Variants in TMEM131 observed in about 807,000 individuals in gnomAD.
The protein encoded by TMEM131 is 2610524E03Rik.
In TMEM131, 66 loss-of-function variants were observed where a neutral mutation model predicts 211.6. The ratio of observed to expected loss-of-function variants is 0.31; its 90% confidence interval spans 0.26 to 0.38. The LOEUF (loss-of-function observed/expected upper bound fraction) is 0.38, where lower values mean the gene tolerates loss of function less well. TMEM131 is among the 10% of genes least tolerant of loss of function. The pLI is 1.00. For missense variants in TMEM131, 2,036 were observed against 2,299.3 expected (o/e 0.89, Z 2.34); for synonymous variants, 844 against 841.3 (o/e 1.00, Z -0.06).
intron 1 of TMEM131, among the ~76,000 whole-genome samples, chr2:97,961,880 TCAA>T (rs1009615226): frequency 6.6e-6 from 1 of 152,194 alleles, no homozygotes; most frequent in African/African-American, 2.4e-5. Context: ...ATTTTAAAAG[TCAA>T]CAACAACAAA....
intron 25 of TMEM131, among the ~76,000 whole-genome samples, chr2:97,798,928 A>G (rs1333073876): frequency 6.6e-6 from 1 of 152,180 alleles, no homozygotes; most frequent in Non-Finnish European, 1.5e-5. Flanking sequence ...AGCAAGCACT[A>G]GCTAATTTAA....
At chr2:97,796,750 G>T (rs2104904320) in intron 27 of TMEM131, 94 bp downstream of exon 27, 1 of 1,251,658 alleles carries the variant, frequency 8.0e-7, no homozygotes, top group Non-Finnish European at 1.1e-6. Context: ...AATATACACA[G>T]GTGCACATAC....
chr2:97,917,757 C>T (rs551150379), intron 2 of TMEM131, among the ~76,000 whole-genome samples: 2 of 152,246 alleles, frequency 1.3e-5, no homozygotes, highest in Non-Finnish European at 2.9e-5. Context: ...ATGGGAGTAA[C>T]CGCCGCCATG....
chr2:97,962,693 C>A (rs760196744), intron 1 of TMEM131, among the ~76,000 whole-genome samples: 4 of 152,040 alleles, frequency 2.6e-5, no homozygotes, highest in Non-Finnish European at 4.4e-5. Flanking sequence ...GTATTACTTG[C>A]GAGAAATGAA....
In TMEM131 at chr2:97,809,759, C is replaced by CA; in HGVS notation, c.1983dup (p.Val662CysfsTer15). On this transcript the variant is annotated frameshift_variant, in exon 19 of 41. Coordinates refer to ENST00000186436, the MANE Select transcript of TMEM131 (RefSeq NM_015348.2). LOFTEE classifies it high-confidence loss of function. ...GAGCCTACTGCAATCACAGCCTTCA[C>CA]AGGGATTGTCAGGATCTGTGAAGTC... is the stretch of plus-strand genomic sequence containing the variant. The CA allele has an allele frequency of 6.2e-7, 1 of 1,603,366 alleles. No homozygotes were observed. Among genetic ancestry groups the CA allele is most frequent in the Non-Finnish European group, 8.5e-7 (1 of 1,174,756 alleles).
In TMEM131 at chr2:97,888,089, T is replaced by G; in HGVS notation, c.322A>C (p.Ile108Leu). 1 of 1,613,736 alleles carries G rather than the reference T, an allele frequency of 6.2e-7. No homozygotes were observed. Among genetic ancestry groups the G allele is most frequent in the South Asian group, 1.1e-5 (1 of 91,050 alleles). The change falls in exon 4 of 41, where the codon ATA becomes CTA. Residue 108 changes from isoleucine to leucine, a missense_variant. By Grantham distance (5) the Ile-to-Leu change is conservative (BLOSUM62 2). Around this residue, in one of 3 missense-constraint regions of TMEM131, gnomAD observed 277 missense variants for 378.0 expected, o/e 0.73. Transcript: ENST00000186436. ...TCCAGCATTGGTGGCTCAAATCGTA[T>G]GGGCCTGCAATTCCCCCGGTAGAGA... ...ISLYRGNCRP[I>L]RFEPPMLDFH...
intron 31 of TMEM131, among the ~76,000 whole-genome samples, chr2:97,786,062 G>A (rs1407867383): frequency 6.6e-6 from 1 of 152,204 alleles, no homozygotes; most frequent in Non-Finnish European, 1.5e-5. Flanking sequence ...AAGGGCCCAT[G>A]AGGATTCCTG....
intron 4 of TMEM131, chr2:97,887,838 T>C: frequency 2.3e-6 from 1 of 438,730 alleles, no homozygotes; most frequent in Admixed American, 3.8e-5. Context: ...CAAGCGAGTA[T>C]TTTTCAAGCT....
intron 1 of TMEM131, among the ~76,000 whole-genome samples, chr2:97,978,782 A>C (rs1679658816): frequency 6.6e-6 from 1 of 152,184 alleles, no homozygotes; most frequent in South Asian, 2.1e-4. Context: ...AACTTCTTCC[A>C]AACTCTTGTT....
Position 97,957,292 on chromosome 2 carries a change from C to A in TMEM131, c.188-29805G>T, listed in dbSNP as rs1284035668. On this transcript the variant is annotated intron_variant, in intron 1 of 40. Transcript: ENST00000186436. ...AACAAAAATTTTGTTGTGCCTGGTA[C>A]TTAATGATTTACATAAACTAAATTT... Among the ~76,000 whole-genome samples, 4 of 152,222 alleles carry A rather than the reference C, an allele frequency of 2.6e-5. No homozygotes were observed. In the East Asian group the frequency reaches 7.7e-4, roughly 29 times the overall value.
chr2:97,771,962 GT>G (rs1329244567), intron 33 of TMEM131, among the ~76,000 whole-genome samples: 1 of 152,242 alleles, frequency 6.6e-6, no homozygotes, highest in East Asian at 1.9e-4. Context: ...TGTACCTGTG[GT>G]TCAATCGTCA....
rs370139010 is a variant in TMEM131, at chr2:97,776,061, C to CT, written c.4145-44dup. On this transcript the variant is annotated intron_variant, in intron 31 of 40. Transcript: ENST00000186436. ...AGTAAAAGAACTCTTGTTTTTGTTT[C>CT]TTTTTTTTTTGAGATGGAGTCTTGC... 6.5e-3 allele frequency: 8,727 copies of CT among 1,351,650 alleles called. 4 individuals are homozygous for CT. Among genetic ancestry groups the CT allele is most frequent in the African/African-American group, 0.016 (1,099 of 66,842 alleles). 83.7% of individuals were successfully genotyped at this position (1,351,650 alleles called of 1,614,324 possible). A position where few individuals can be genotyped will look rare whatever the true frequency, so the allele number is the denominator to read the frequency against.
intron 1 of TMEM131, among the ~76,000 whole-genome samples, chr2:97,941,771 T>G (rs1055631348): frequency 4.6e-5 from 7 of 152,074 alleles, no homozygotes; most frequent in African/African-American, 1.7e-4. Flanking sequence ...AAAACCACAA[T>G]GCAATACCAT....
intron 1 of TMEM131, among the ~76,000 whole-genome samples, chr2:97,994,848 T>G (rs115194177): frequency 1.3e-5 from 2 of 152,358 alleles, no homozygotes; most frequent in Non-Finnish European, 2.9e-5. Flanking sequence ...CAACTTCACG[T>G]TTATTTTTAA....
chr2:97,827,220 C>G (rs2105033633), intron 11 of TMEM131: 1 of 740,692 alleles, frequency 1.4e-6, no homozygotes, highest in South Asian at 1.4e-5. Context: ...CCCGCAGGCA[C>G]CTGGCACGCG....
intron 3 of TMEM131, among the ~76,000 whole-genome samples, chr2:97,889,414 T>G (rs1403207480): frequency 1.3e-5 from 2 of 152,064 alleles, no homozygotes. Context: ...ACAAAAACAT[T>G]CTTTGGCGCC....
chr2:97,834,145 T>G (rs1447934386), intron 10 of TMEM131, among the ~76,000 whole-genome samples: 1 of 152,222 alleles, frequency 6.6e-6, no homozygotes, highest in Non-Finnish European at 1.5e-5. Flanking sequence ...CATCCCAAAT[T>G]ACAAGTGCTC....
chr2:97,785,804 G>A (rs10210520), intron 31 of TMEM131, among the ~76,000 whole-genome samples: 40,874 of 152,030 alleles, frequency 0.27, 6,016 homozygotes, highest in Middle Eastern at 0.37. Context: ...AAAACCTACA[G>A]TACATCCATA....
chr2:97,821,948 G>A (rs1337868210), intron 11 of TMEM131, among the ~76,000 whole-genome samples: 1 of 152,084 alleles, frequency 6.6e-6, no homozygotes, highest in African/African-American at 2.4e-5. Context: ...TTCAGCTCCG[G>A]GATCCCGACA....
Sources: allele counts gnomAD v4.1 joint callset (sites outside exome capture counted in the v4.1 genomes callset), GRCh38; gene constraint gnomAD v4.1.1; regional missense constraint gnomAD v4.1.1; transcripts MANE v1.5; gene names NCBI Gene and HGNC (gene_info 2026-07-23, HGNC 2026-07-21).